Variants in SLC12A9 observed in about 807,000 individuals in gnomAD.
SLC12A9 encodes solute carrier family 12 member 9.
In SLC12A9, 55 loss-of-function variants were observed where a neutral mutation model predicts 66.0. The ratio of observed to expected loss-of-function variants is 0.83; its 90% CI spans 0.67 to 1.04. The LOEUF (loss-of-function observed/expected upper bound fraction) is 1.04, where lower values mean the gene tolerates loss of function less well. SLC12A9 is among the 50% of genes least tolerant of loss of function. SLC12A9 has a pLI of 0.00. For synonymous variants in SLC12A9, 577 were observed against 569.0 expected, an observed-to-expected ratio of 1.01 and a Z score of -0.20; for missense variants, 1,061 against 1,241.9, an observed-to-expected ratio of 0.85 and a Z score of 2.19.
intron 1 of SLC12A9, among the ~76,000 whole-genome samples, chr7:100,828,370 C>T (rs1017314206): frequency 6.6e-6 from 1 of 151,680 alleles, no homozygotes; most frequent in Admixed American, 6.6e-5. Context: ...GAAACCCCGT[C>T]TCTACTAAAA....
chr7:100,855,057 G>T (rs910130829), intron 3 of SLC12A9, among the ~76,000 whole-genome samples: 1 of 152,086 alleles, frequency 6.6e-6, no homozygotes, highest in Admixed American at 6.6e-5. Context: ...CCAGCTACTC[G>T]GGAGGCTGAG....
chr7:100,846,340 G>A (rs1813913948), intron 1 of SLC12A9, among the ~76,000 whole-genome samples: 1 of 152,198 alleles, frequency 6.6e-6, no homozygotes, highest in Admixed American at 6.5e-5. Context: ...GCCGAGGCGG[G>A]TGGATCACGA....
intron 1 of SLC12A9, among the ~76,000 whole-genome samples, chr7:100,853,700 T>A (rs1326558604): frequency 1.3e-5 from 2 of 151,658 alleles, no homozygotes; most frequent in Non-Finnish European, 2.9e-5. Flanking sequence ...TAGCTGTGAT[T>A]ACAGGCATGC....
chr7:100,855,420 C>A, intron 3 of SLC12A9: 4 of 353,246 alleles, frequency 1.1e-5, no homozygotes, highest in Non-Finnish European at 2.1e-5. Flanking sequence ...CTGTGCCTGG[C>A]CTGGCAGGGC....
chr7:100,839,302 C>A (rs1040350041), intron 1 of SLC12A9, among the ~76,000 whole-genome samples: 1 of 151,448 alleles, frequency 6.6e-6, no homozygotes, highest in East Asian at 1.9e-4. Context: ...CCAGCCTGGG[C>A]GACAGAGTGA....
In SLC12A9 at chr7:100,856,859, T is replaced by C. The variant is rs1248509469; in HGVS notation, c.449-9T>C. 2 of 1,578,010 alleles carry C rather than the reference T, an allele frequency of 1.3e-6. No homozygotes were observed. Among genetic ancestry groups the C allele is most frequent in the South Asian group, 2.3e-5 (2 of 87,962 alleles). Reference sequence around the variant, plus strand: ...CGGGCCTTCTAACTCTGTCCCTACCTCTCTCCAGATGCCACAGGGCCCAGT... The same window carrying C: ...CGGGCCTTCTAACTCTGTCCCTACCCCTCTCCAGATGCCACAGGGCCCAGT... On this transcript the variant is annotated splice_polypyrimidine_tract_variant and intron_variant, in intron 4 of 13. Coordinates refer to ENST00000354161, the MANE Select transcript of SLC12A9 (RefSeq NM_020246.4).
intron 2 of SLC12A9, 116 bp from the exon 3 acceptor site, chr7:100,854,504 G>C: frequency 6.3e-7 from 1 of 1,595,512 alleles, no homozygotes; most frequent in Non-Finnish European, 8.5e-7. Context: ...TGAAGGGTTT[G>C]GGGAGGGGCT....
chr7:100,848,607 T>C (rs188394472), upstream of SLC12A9, among the ~76,000 whole-genome samples: 150 of 151,722 alleles, frequency 9.9e-4, 3 homozygotes, highest in Admixed American at 9.5e-3. Context: ...TGAAAAGAGG[T>C]TGGGCGCAGT....
intron 1 of SLC12A9, among the ~76,000 whole-genome samples, chr7:100,830,976 G>A (rs934453579): frequency 3.9e-5 from 6 of 152,060 alleles, no homozygotes; most frequent in South Asian, 4.2e-4. Flanking sequence ...GTTACTACCT[G>A]AATCCATGCC....
At chr7:100,857,546 G>A in intron 5 of SLC12A9, 1 of 222,948 alleles carries the variant, frequency 4.5e-6, no homozygotes, top group South Asian at 9.7e-5. Context: ...GGAGCTGGAG[G>A]TGGCCTGAGA....
rs1425829337 is a variant in SLC12A9, at chr7:100,859,913, T to C, written c.1006T>C (p.Phe336Leu). 1.2e-6 allele frequency: 2 copies of C among 1,606,924 alleles called. No individual in the cohort carries two copies. Among genetic ancestry groups the C allele is most frequent in the African/African-American group, 2.7e-5 (2 of 74,806 alleles). Residue 336 changes from phenylalanine (F) to leucine (L), a missense_variant, in exon 8 of 14, where the codon TTC (phenylalanine) becomes CTC (leucine). Phe to Leu is a conservative substitution (Grantham distance 22, BLOSUM62 0). Transcript: ENST00000354161. Reference sequence around the variant, plus strand: ...CCTGCTGCAGGAAGACTATGGGTTCTTCCGCGCCATCAGCCTGTGGCCCCC... The same window carrying C: ...CCTGCTGCAGGAAGACTATGGGTTCCTCCGCGCCATCAGCCTGTGGCCCCC... ...RTLLQEDYGF[F>L]RAISLWPPLV...
At chr7:100,850,500 A>G (rs1229776933), upstream of SLC12A9, among the ~76,000 whole-genome samples, 1 of 150,830 alleles carries the variant, frequency 6.6e-6, no homozygotes, top group African/African-American at 2.4e-5. Flanking sequence ...TCAGCCTCCC[A>G]AAGTACTGGG....
In SLC12A9 at chr7:100,865,809, C is replaced by T; in HGVS notation, c.1949C>T (p.Pro650Leu). 6.2e-7 allele frequency: 1 copy of T among 1,614,044 alleles called. No homozygotes were observed. The highest frequency in any genetic ancestry group is 8.5e-7 in the Non-Finnish European group (1 of 1,180,038). Residue 650 changes from proline (P) to leucine (L), a missense_variant, in exon 14 of 14, where the codon CCT becomes CTT. Transcript: ENST00000354161. ...CTGACGGACCCGGCTTTCTCTGAGC[C>T]TGCAGACAGCACCAGGGAGGGCAGT... The part of the protein sequence containing the change: ...HFLTDPAFSE[P>L]ADSTREGSSP...
upstream of SLC12A9, among the ~76,000 whole-genome samples, chr7:100,848,594 T>C (rs939914685): frequency 1.3e-5 from 2 of 151,812 alleles, no homozygotes; most frequent in Admixed American, 1.3e-4. Context: ...TGGGTATAAA[T>C]GTTGAAAAGA....
At chr7:100,837,858 T>G (rs1161375996) in intron 1 of SLC12A9, among the ~76,000 whole-genome samples, 37 of 121,008 alleles carry the variant, frequency 3.1e-4, no homozygotes, top group African/African-American at 1.1e-3. Context: ...TCAATTTTTT[T>G]TTTTTTTTTT....
intron 5 of SLC12A9, chr7:100,858,405 C>T (rs1814529868): frequency 6.4e-6 from 1 of 155,600 alleles, no homozygotes; most frequent in Non-Finnish European, 1.4e-5. Context: ...CAGCGAGACT[C>T]CATCTCAAAA....
chr7:100,866,401 C>A lies in SLC12A9; in HGVS notation c.2541C>A (p.Arg847=), dbSNP rs772215583. The change falls in exon 14 of 14, where the codon CGC becomes CGA. Residue 847 remains arginine, a synonymous_variant. Coordinates refer to ENST00000354161, the MANE Select transcript of SLC12A9 (RefSeq NM_020246.4). The surrounding 1 kb of genome is among the most constrained non-coding windows in gnomAD (Gnocchi z 7.3). The part of the protein sequence containing the change: ...ANALVRAQQG[R]GTGGGPGGPE... ...CCCTGGTTCGGGCCCAGCAGGGGCG[C>A]GGCACAGGAGGAGGGCCGGGTGGGC... 5.2e-6 allele frequency: 8 copies of A among 1,536,750 alleles called. 1 individual carries two copies. Among genetic ancestry groups the A allele is most frequent in the Non-Finnish European group, 8.8e-7 (1 of 1,139,544 alleles).
chr7:100,836,479 C>T (rs952940152), intron 1 of SLC12A9, among the ~76,000 whole-genome samples: 4 of 152,082 alleles, frequency 2.6e-5, no homozygotes, highest in Non-Finnish European at 5.9e-5. Context: ...AGAAAACCCA[C>T]CCCCCGCTCC....
At position 100,866,792 on chromosome 7, in the gene SLC12A9, C is replaced by A. The variant is rs1183169509; in HGVS notation, c.*187C>A. On this transcript the variant is annotated 3_prime_UTR_variant, in exon 14 of 14. Coordinates refer to ENST00000354161, the MANE Select transcript of SLC12A9 (RefSeq NM_020246.4). This position sits in a 1 kb window ranked among gnomAD's most constrained non-coding sequence, Gnocchi z 7.3. ...ACCTCCTTTGGCAGAGGGACCCCAGCACACTAACTCTGGGTGGCTGTCCCC... is the reference window on the plus strand; with the variant it reads ...ACCTCCTTTGGCAGAGGGACCCCAGAACACTAACTCTGGGTGGCTGTCCCC... The A allele has an allele frequency of 3.5e-6, 2 of 575,734 alleles. No homozygotes were observed. The highest frequency in any genetic ancestry group is 5.7e-6 in the Non-Finnish European group (2 of 348,612). The allele number at this position is 575,734 out of a possible 1,614,324, so 35.7% of individuals were successfully genotyped here.
Sources: allele counts gnomAD v4.1 joint callset (sites outside exome capture counted in the v4.1 genomes callset), GRCh38; gene constraint gnomAD v4.1.1; non-coding constraint Gnocchi (gnomAD v3.1); transcripts MANE v1.5; gene names NCBI Gene and HGNC (gene_info 2026-07-23, HGNC 2026-07-21).